Variants in TTLL4 observed in about 807,000 individuals in gnomAD.
The protein encoded by TTLL4 is tubulin monoglutamylase TTLL4.
In TTLL4, 85 loss-of-function variants were observed where a neutral mutation model predicts 122.7. The ratio of observed to expected loss-of-function variants is 0.69; its 90% CI spans 0.58 to 0.83. TTLL4 has a LOEUF of 0.83. TTLL4 is among the 40% of genes least tolerant of loss of function. The pLI is 0.00. For synonymous variants in TTLL4, 553 were observed against 563.0 expected (o/e 0.98, Z 0.25); for missense variants, 1,363 against 1,488.6 (o/e 0.92, Z 1.39).
intron 5 of TTLL4, among the ~76,000 whole-genome samples, chr2:218,743,931 A>G (rs2042803): frequency 0.49 from 74,918 of 152,020 alleles, 19,133 homozygotes; most frequent in African/African-American, 0.59. Flanking sequence ...CGCCTGCCTC[A>G]GCCTCCCAAA....
At position 218,752,938 on chromosome 2, in the gene TTLL4, A is replaced by T; in HGVS notation, c.3152A>T (p.Gln1051Leu). The change falls in exon 17 of 20, where the codon CAA becomes CTA. Residue 1051 changes from glutamine (Q) to leucine (L), a missense_variant. Coordinates refer to ENST00000392102, the MANE Select transcript of TTLL4 (RefSeq NM_014640.5). ...QPRYFNILTT[Q>L]WEQKYHGNKL... is the part of the protein sequence containing the mutation. The stretch of plus-strand genomic sequence containing the variant: ...CGATATTTCAACATTCTCACCACCC[A>T]ATGGGAACAGAAATACCATGGCAAC... 6.2e-7 allele frequency: 1 copy of T among 1,614,026 alleles called. No individual in the cohort carries two copies. The highest frequency in any genetic ancestry group is 8.5e-7 in the Non-Finnish European group (1 of 1,179,978).
rs926884952 is a variant in TTLL4, at chr2:218,745,193, C to T, written c.1746C>T (p.Asn582=). 17 of 1,613,998 alleles carry T rather than the reference C, an allele frequency of 1.1e-5. No individual in the cohort carries two copies. The highest frequency in any genetic ancestry group is 4.0e-5 in the African/African-American group (3 of 74,906). The part of the protein sequence containing the change: ...RPALIYSLFP[N]VPPTIYFGTR... ...CCCTCATCTACAGTCTCTTTCCCAA[C>T]GTTCCCCCTACCATCTATTTTGGCA... The change falls in exon 6 of 20, where the codon AAC becomes AAT. Residue 582 remains asparagine (N), a synonymous_variant. Coordinates refer to ENST00000392102, the MANE Select transcript of TTLL4 (RefSeq NM_014640.5).
At chr2:218,746,696 C>T (rs1182388479) in intron 8 of TTLL4, 4 of 422,146 alleles carry the variant, frequency 9.5e-6, no homozygotes, top group African/African-American at 6.0e-5. Flanking sequence ...TCCAGACTTA[C>T]TAAAGGCGAA....
At chr2:218,737,207 G>C (rs1025629585) in intron 2 of TTLL4, among the ~76,000 whole-genome samples, 2 of 152,184 alleles carry the variant, frequency 1.3e-5, no homozygotes, top group Non-Finnish European at 2.9e-5. Flanking sequence ...TAGCCACACT[G>C]GTTTTGGGTG....
chr2:218,745,184 C>T lies in TTLL4; in HGVS notation c.1737C>T (p.Leu579=). 6.2e-7 allele frequency: 1 copy of T among 1,614,136 alleles called. No individual in the cohort carries two copies. The highest frequency in any genetic ancestry group is 8.5e-7 in the Non-Finnish European group (1 of 1,180,006). Residue 579 remains leucine (L), a synonymous_variant, in exon 6 of 20, where the codon CTC becomes CTT. Transcript: ENST00000392102. ...KVVRPALIYS[L]FPNVPPTIYF... ...TCCGACCAGCCCTCATCTACAGTCT[C>T]TTTCCCAACGTTCCCCCTACCATCT...
chr2:218,758,109 C>T (rs1168990722), downstream of TTLL4, among the ~76,000 whole-genome samples: 1 of 152,128 alleles, frequency 6.6e-6, no homozygotes, highest in African/African-American at 2.4e-5. Context: ...CCTTCACCAG[C>T]GTTGGATCAG....
At chr2:218,731,201 A>G (rs1575167344) in intron 2 of TTLL4, among the ~76,000 whole-genome samples, 1 of 152,020 alleles carries the variant, frequency 6.6e-6, no homozygotes, top group East Asian at 1.9e-4. Flanking sequence ...ACTTGAGGTC[A>G]GGAGTTCGAG....
chr2:218,753,307 T>A (rs1254401731), intron 18 of TTLL4, 122 bp downstream of exon 18: 1 of 1,092,276 alleles, frequency 9.2e-7, no homozygotes, highest in Non-Finnish European at 1.4e-6. Context: ...AGGCTCTGCT[T>A]CTGTCTCACC....
At position 218,747,003 on chromosome 2, in the gene TTLL4, C is replaced by G. The variant is rs770998270; in HGVS notation, c.1975C>G (p.Leu659Val). The G allele has an allele frequency of 6.2e-7, 1 of 1,613,848 alleles. No homozygotes were observed. Among genetic ancestry groups the G allele is most frequent in the Non-Finnish European group, 8.5e-7 (1 of 1,179,816 alleles). The change falls in exon 9 of 20, where the codon CTA becomes GTA. Residue 659 changes from leucine to valine, a missense_variant and splice_region_variant. Leu to Val is a conservative substitution (Grantham distance 32). This residue lies in a region of TTLL4 where 7 missense variants were observed against 24.5 expected (regional missense o/e 0.29). Coordinates refer to ENST00000392102, the MANE Select transcript of TTLL4 (RefSeq NM_014640.5). The surrounding 1 kb of genome is among the most constrained non-coding windows in gnomAD (Gnocchi z 4.7). ...GCACTCACCCTTTTCCCTTTTGTAG[C>G]TAAACCATTTCCCAGGCTCATTCCA... The part of the protein sequence containing the change: ...SFRSIREHQK[L>V]NHFPGSFQIG...
At position 218,754,311 on chromosome 2, in the gene TTLL4, C is replaced by A; in HGVS notation, c.3522C>A (p.Cys1174Ter). ...LSTQTLPVIK[C>*]SGQTSRLSAS... ...CCCAGACGTTACCTGTGATCAAGTG[C>A]TCTGGGCAGACTTCAAGACTTTCTG... The change falls in exon 20 of 20, where the codon TGC becomes TGA. Residue 1174 changes from cysteine to a stop codon, truncating the protein, a stop_gained. Coordinates refer to ENST00000392102, the MANE Select transcript of TTLL4 (RefSeq NM_014640.5). LOFTEE classifies it high-confidence loss of function. 1 of 1,614,184 alleles carries A rather than the reference C, an allele frequency of 6.2e-7. No homozygotes were observed. Among genetic ancestry groups the A allele is most frequent in the Non-Finnish European group, 8.5e-7 (1 of 1,180,024 alleles).
At chr2:218,732,978 AT>A (rs779609579) in intron 2 of TTLL4, among the ~76,000 whole-genome samples, 2 of 152,206 alleles carry the variant, frequency 1.3e-5, no homozygotes, top group Non-Finnish European at 2.9e-5. Flanking sequence ...TTTACTTGGC[AT>A]TCTTGAAGTT....
At chr2:218,753,006 G>A in intron 17 of TTLL4, 33 bp downstream of exon 17, 1 of 1,614,038 alleles carries the variant, frequency 6.2e-7, no homozygotes, top group Non-Finnish European at 8.5e-7. Context: ...AGAAAGCCAA[G>A]TTTAGTGAGA....
intron 1 of TTLL4, among the ~76,000 whole-genome samples, chr2:218,718,977 T>G (rs1667172133): frequency 6.6e-6 from 1 of 152,224 alleles, no homozygotes; most frequent in South Asian, 2.1e-4. Flanking sequence ...CAGGCCATTT[T>G]GTTGATCCAT....
Position 218,754,280 on chromosome 2 carries a change from T to C in TTLL4, c.3491T>C (p.Leu1164Pro). ...GAGGACACCAGCAAAGAGCCCAGCC[T>C]TTCTACCCAGACGTTACCTGTGATC... ...DSEDTSKEPS[L>P]STQTLPVIKC... Residue 1164 changes from leucine to proline, a missense_variant, in exon 20 of 20, where the codon CTT becomes CCT. Around this residue, in one of 3 missense-constraint regions of TTLL4, gnomAD observed 596 missense variants for 655.8 expected, o/e 0.91. Transcript: ENST00000392102. The C allele has an allele frequency of 6.2e-7, 1 of 1,614,184 alleles. No homozygotes were observed. The highest frequency in any genetic ancestry group is 2.2e-5 in the East Asian group (1 of 44,876).
chr2:218,723,156 A>G (rs1454608067), intron 1 of TTLL4, among the ~76,000 whole-genome samples: 1 of 152,238 alleles, frequency 6.6e-6, no homozygotes, highest in African/African-American at 2.4e-5. Context: ...GGAGATTAAC[A>G]GATAACATGT....
intron 2 of TTLL4, among the ~76,000 whole-genome samples, chr2:218,730,332 A>T (rs1166733945): frequency 7.1e-6 from 1 of 140,304 alleles, no homozygotes; most frequent in African/African-American, 2.7e-5. Flanking sequence ...AAAAAAAAAA[A>T]AAAAAAAAAA....
chr2:218,754,238 G>C lies in TTLL4; in HGVS notation c.3449G>C (p.Ser1150Thr), dbSNP rs149440405. Reference protein sequence around the residue: ...AGLSPYPQKPSSSKDSEDTSK... With the variant: ...AGLSPYPQKPTSSKDSEDTSK... ...CTTTCCCCTTATCCCCAGAAACCCA[G>C]TTCCTCAAAGGACAGTGAGGACACC... Residue 1150 changes from serine to threonine, a missense_variant, in exon 20 of 20, where the codon AGT (serine) becomes ACT (threonine). Physicochemically the swap from Ser to Thr is moderately conservative, Grantham distance 58. Transcript: ENST00000392102. 6.8e-6 allele frequency: 11 copies of C among 1,614,020 alleles called. No homozygotes were observed. The highest frequency in any genetic ancestry group is 9.3e-6 in the Non-Finnish European group (11 of 1,180,040).
chr2:218,757,589 C>T (rs938608813), downstream of TTLL4, among the ~76,000 whole-genome samples: 7 of 152,098 alleles, frequency 4.6e-5, no homozygotes, highest in Admixed American at 4.6e-4. Context: ...ACCCAAAGAG[C>T]AGATATATGG....
At position 218,738,344 on chromosome 2, in the gene TTLL4, T is replaced by G. The variant is rs141628074; in HGVS notation, c.668T>G (p.Met223Arg). Residue 223 changes from methionine (M) to arginine (R), a missense_variant, in exon 3 of 20, where the codon ATG becomes AGG. Physicochemically the swap from Met to Arg is moderately conservative, Grantham distance 91 (BLOSUM62 -1). Around this residue, in one of 3 missense-constraint regions of TTLL4, gnomAD observed 760 missense variants for 808.4 expected, o/e 0.94. Coordinates refer to ENST00000392102, the MANE Select transcript of TTLL4 (RefSeq NM_014640.5). ...CCCATGCTGAATAATAATTCCTTCA[T>G]GTGGCCAAATAGCACGCCAGTGCCT... is the stretch of plus-strand genomic sequence containing the variant. ...YKPMLNNNSF[M>R]WPNSTPVPLL... 1.9e-6 allele frequency: 3 copies of G among 1,614,158 alleles called. No homozygotes were observed. Among genetic ancestry groups the G allele is most frequent in the Non-Finnish European group, 2.5e-6 (3 of 1,180,024 alleles).
Sources: gnomAD v4.1 joint callset for allele counts (sites outside exome capture counted in the v4.1 genomes callset) on GRCh38, gnomAD v4.1.1 for gene constraint, gnomAD v4.1.1 regional missense constraint, Gnocchi (gnomAD v3.1) non-coding constraint, MANE v1.5 for transcripts, NCBI Gene and HGNC (gene_info 2026-07-23, HGNC 2026-07-21) for gene names.